Variants in TMEM217B observed in about 807,000 individuals in gnomAD.
The protein encoded by TMEM217B is putative transmembrane protein 217B.
At chr6:37,253,532 G>A in the TMEM217B span, among the ~76,000 whole-genome samples, 1 of 152,122 alleles carries the variant, frequency 6.6e-6, no homozygotes, top group East Asian at 1.9e-4. Context: ...CTCTAACAGT[G>A]GTTGTTTAGA....
At chr6:37,244,116 C>T in the TMEM217B span, among the ~76,000 whole-genome samples, 1 of 152,226 alleles carries the variant, frequency 6.6e-6, no homozygotes, top group Admixed American at 6.5e-5. Context: ...TCTCATAATC[C>T]TAACCTTGTG....
the TMEM217B span, among the ~76,000 whole-genome samples, chr6:37,252,638 T>TATA: frequency 6.9e-5 from 3 of 43,520 alleles, no homozygotes; most frequent in Non-Finnish European, 1.2e-4. Flanking sequence ...TATATATATA[T>TATA]TTTTTTTTTT....
At chr6:37,254,296 C>A in the TMEM217B span, among the ~76,000 whole-genome samples, 20 of 152,146 alleles carry the variant, frequency 1.3e-4, no homozygotes, top group Non-Finnish European at 2.5e-4. Context: ...CCAAGAAGGA[C>A]CTCCATCAGA....
At chr6:37,241,919 G>T in the TMEM217B span, among the ~76,000 whole-genome samples, 1 of 151,942 alleles carries the variant, frequency 6.6e-6, no homozygotes, top group Non-Finnish European at 1.5e-5. Context: ...ACAAGAGATG[G>T]CTTTATCGCG....
At chr6:37,214,607 G>A in the TMEM217B span, among the ~76,000 whole-genome samples, 7 of 152,006 alleles carry the variant, frequency 4.6e-5, no homozygotes, top group East Asian at 1.9e-4. Flanking sequence ...CTCTTCCCCC[G>A]CTCCCTACTA....
chr6:37,229,326 C>T, the TMEM217B span, among the ~76,000 whole-genome samples: 10 of 111,614 alleles, frequency 9.0e-5, no homozygotes, highest in African/African-American at 3.1e-4. Flanking sequence ...GTCTCCCTAG[C>T]AACTTTCAGT....
chr6:37,212,869 T>A, the TMEM217B span: 1 of 1,462,988 alleles, frequency 6.8e-7, no homozygotes, highest in South Asian at 1.2e-5. Context: ...CTTGGCCTCA[T>A]AGCAAATGTG....
At chr6:37,242,861 G>T in the TMEM217B span, among the ~76,000 whole-genome samples, 47 of 152,250 alleles carry the variant, frequency 3.1e-4, no homozygotes, top group South Asian at 9.5e-3. Flanking sequence ...AGTATCCCAG[G>T]CAGGAGTGTG....
the TMEM217B span, among the ~76,000 whole-genome samples, chr6:37,230,763 C>A: frequency 6.6e-6 from 1 of 152,086 alleles, no homozygotes; most frequent in Non-Finnish European, 1.5e-5. Flanking sequence ...ATAAAGGGGC[C>A]AAAATTCTGC....
At chr6:37,244,616 T>A in the TMEM217B span, among the ~76,000 whole-genome samples, 10 of 152,246 alleles carry the variant, frequency 6.6e-5, no homozygotes, top group Non-Finnish European at 1.3e-4. Flanking sequence ...AGAAAAACCA[T>A]GGCTCATAGA....
the TMEM217B span, among the ~76,000 whole-genome samples, chr6:37,216,358 C>T: frequency 1.3e-5 from 2 of 152,136 alleles, no homozygotes; most frequent in African/African-American, 2.4e-5. Context: ...GGATTACAGA[C>T]GTGAGCCCCT....
At chr6:37,249,123 T>C in the TMEM217B span, among the ~76,000 whole-genome samples, 2 of 152,184 alleles carry the variant, frequency 1.3e-5, no homozygotes, top group East Asian at 3.8e-4. Context: ...TCAAAATCTT[T>C]AACTTAATAT....
the TMEM217B span, among the ~76,000 whole-genome samples, chr6:37,219,525 G>GA: frequency 6.6e-6 from 1 of 152,156 alleles, no homozygotes; most frequent in Non-Finnish European, 1.5e-5. Flanking sequence ...AGGATTGCTT[G>GA]AGTCCAGCAG....
the TMEM217B span, among the ~76,000 whole-genome samples, chr6:37,237,361 C>T: frequency 6.6e-6 from 1 of 152,182 alleles, no homozygotes; most frequent in South Asian, 2.1e-4. Flanking sequence ...ATGAAGGGCT[C>T]TCTGTGTGCA....
chr6:37,246,841 C>T, the TMEM217B span, among the ~76,000 whole-genome samples: 4 of 151,260 alleles, frequency 2.6e-5, no homozygotes, highest in Admixed American at 1.3e-4. Context: ...AGGTCAAGGC[C>T]GCAGTGAGCC....
At chr6:37,244,102 C>A in the TMEM217B span, among the ~76,000 whole-genome samples, 2 of 152,202 alleles carry the variant, frequency 1.3e-5, no homozygotes, top group Non-Finnish European at 2.9e-5. Flanking sequence ...AGAACTCAGG[C>A]CCCTCTCATA....
the TMEM217B span, among the ~76,000 whole-genome samples, chr6:37,230,044 C>T: frequency 6.6e-6 from 1 of 152,230 alleles, no homozygotes; most frequent in African/African-American, 2.4e-5. Flanking sequence ...AAGATCCCTA[C>T]TTCCTTGCTG....
At chr6:37,254,683 C>T in the TMEM217B span, among the ~76,000 whole-genome samples, 1 of 152,174 alleles carries the variant, frequency 6.6e-6, no homozygotes. Context: ...CCTTCTTTCA[C>T]TCAGTAAATA....
At chr6:37,218,785 G>T in the TMEM217B span, 1 of 1,614,222 alleles carries the variant, frequency 6.2e-7, no homozygotes, top group South Asian at 1.1e-5. Context: ...CTGAGTACAG[G>T]AGGAAGCAGC....
Sources: allele counts gnomAD v4.1 joint callset (sites outside exome capture counted in the v4.1 genomes callset), GRCh38; gene constraint gnomAD v4.1.1; transcripts MANE v1.5; gene names NCBI Gene and HGNC (gene_info 2026-07-23, HGNC 2026-07-21).